The following HTT variants were observed in gnomAD, a reference collection of about 807,000 sequenced individuals.
HTT encodes huntingtin, also known as huntington disease protein.
In HTT, 104 loss-of-function variants were observed where a neutral mutation model predicts 362.3. The ratio of observed to expected loss-of-function variants is 0.29; its 90% CI spans 0.24 to 0.34. The LOEUF (loss-of-function observed/expected upper bound fraction) is 0.34, where lower values mean the gene tolerates loss of function less well. Among genes scored for constraint, HTT ranks in the 10% least tolerant of loss-of-function variants. HTT has a pLI of 1.00. For synonymous variants in HTT, 1,577 were observed against 1,548.7 expected (o/e 1.02, Z -0.43); for missense variants, 3,301 against 3,928.6 (o/e 0.84, Z 4.27).
At chr4:3,125,029 T>C (rs1370398176) in intron 10 of HTT, among the ~76,000 whole-genome samples, 1 of 152,224 alleles carries the variant, frequency 6.6e-6, no homozygotes, top group Non-Finnish European at 1.5e-5. Flanking sequence ...AAATGAAATA[T>C]TATTTCATCC....
At chr4:3,114,989 ATTTT>A (rs202217324) in intron 6 of HTT, among the ~76,000 whole-genome samples, 3 of 151,398 alleles carry the variant, frequency 2.0e-5, no homozygotes, top group African/African-American at 7.3e-5. Context: ...TCATTTGTTG[ATTTT>A]TTTTTAACTG....
intron 19 of HTT, 91 bp downstream of exon 19, chr4:3,134,631 C>A (rs1327381131): frequency 6.1e-6 from 7 of 1,156,756 alleles, no homozygotes; most frequent in Non-Finnish European, 7.5e-6. Context: ...TATCAAGTAC[C>A]CTGTCCATCA....
chr4:3,083,530 T>TACACACAC (rs56210756), intron 1 of HTT, among the ~76,000 whole-genome samples: 5 of 125,126 alleles, frequency 4.0e-5, no homozygotes, highest in East Asian at 2.6e-4. Flanking sequence ...TCTCTAAATA[T>TACACACAC]ACACACACAC....
chr4:3,110,408 A>C (rs1018607432), intron 6 of HTT, among the ~76,000 whole-genome samples: 1 of 152,174 alleles, frequency 6.6e-6, no homozygotes, highest in Admixed American at 6.5e-5. Flanking sequence ...TCTCTGCCCC[A>C]GTCTGGGCAG....
rs1721003278 is a variant in HTT at position 3,228,047 on chromosome 4, A to G, written c.7849-568A>G. Among the ~76,000 whole-genome samples the G allele has an allele frequency of 6.6e-6, 1 of 152,176 alleles. No homozygotes were observed. Among genetic ancestry groups the G allele is most frequent in the Non-Finnish European group, 1.5e-5 (1 of 68,030 alleles). On this transcript the variant is annotated intron_variant, in intron 57 of 66. Coordinates refer to ENST00000355072, the MANE Select transcript of HTT (RefSeq NM_001388492.1). The surrounding 1 kb of genome is among the most constrained non-coding windows in gnomAD (Gnocchi z 4.3). ...GGTGCCAAGAACGTGAGTTGGGGCT[A>G]GTGCCAGTGATGATGGAGAACAGCT... is the stretch of plus-strand genomic sequence containing the variant.
intron 37 of HTT, among the ~76,000 whole-genome samples, chr4:3,185,099 A>G (rs1215240209): frequency 1.3e-5 from 2 of 152,122 alleles, no homozygotes; most frequent in Non-Finnish European, 2.9e-5. Context: ...CAGGAGAGAG[A>G]CTTGGGAAAA....
At chr4:3,100,764 A>G (rs1242359868) in intron 3 of HTT, among the ~76,000 whole-genome samples, 1 of 152,200 alleles carries the variant, frequency 6.6e-6, no homozygotes, top group Non-Finnish European at 1.5e-5. Context: ...GGTCTCGCTC[A>G]GTCACCCAGG....
rs1720189698 is a variant in HTT at position 3,212,155 on chromosome 4, A to T, written c.6628+13A>T. ...AATGATCTGTTTGGTAATTAAAATT[A>T]AAATTTATCTTATTTTTAAAAAGCA... On this transcript the variant is annotated intron_variant, in intron 48 of 66. Transcript: ENST00000355072. 2 of 1,589,570 alleles carry T rather than the reference A, an allele frequency of 1.3e-6. No individual in the cohort carries two copies. The highest frequency in any genetic ancestry group is 1.7e-6 in the Non-Finnish European group (2 of 1,162,432).
At chr4:3,169,219 T>C (rs1438705605) in intron 29 of HTT, among the ~76,000 whole-genome samples, 2 of 151,934 alleles carry the variant, frequency 1.3e-5, no homozygotes, top group African/African-American at 2.4e-5. Flanking sequence ...GAGGTTTCAC[T>C]GTGTTAGCCA....
chr4:3,214,921 A>G (rs1452486178), intron 50 of HTT, among the ~76,000 whole-genome samples, 189 bp from the exon 51 acceptor site: 3 of 152,256 alleles, frequency 2.0e-5, no homozygotes, highest in African/African-American at 4.8e-5. Flanking sequence ...CTTCAGACAT[A>G]TACCACTAAC....
chr4:3,134,803 C>T (rs1715984902), intron 19 of HTT, among the ~76,000 whole-genome samples: 1 of 152,156 alleles, frequency 6.6e-6, no homozygotes, highest in Non-Finnish European at 1.5e-5. Flanking sequence ...AATCATAGCT[C>T]ACTGAAGCTT....
intron 37 of HTT, 49 bp downstream of exon 37, chr4:3,182,519 A>G (rs374624013): frequency 1.7e-4 from 208 of 1,205,134 alleles, no homozygotes; most frequent in Non-Finnish European, 2.4e-4. Context: ...TGGTAGCTTA[A>G]GGTCCTTGTG....
At chr4:3,134,278 C>T in intron 18 of HTT, 123 bp from the exon 19 acceptor site, 1 of 727,398 alleles carries the variant, frequency 1.4e-6, no homozygotes, top group Non-Finnish European at 2.2e-6. Context: ...AAAAATGCAA[C>T]ATCCTGGTTG....
In HTT at chr4:3,157,060, A is replaced by G. The variant is rs1356056621; in HGVS notation, c.3626-12A>G. On this transcript the variant is annotated splice_polypyrimidine_tract_variant and intron_variant, in intron 27 of 66. Coordinates refer to ENST00000355072, the MANE Select transcript of HTT (RefSeq NM_001388492.1). ...ATCTAAAAGTTTATCTTTTGTGTGC[A>G]TATTTTTAAAGCTTCTAGACAATCT... 6.3e-7 allele frequency: 1 copy of G among 1,581,952 alleles called. No individual in the cohort carries two copies. Among genetic ancestry groups the G allele is most frequent in the East Asian group, 2.2e-5 (1 of 44,634 alleles).
At chr4:3,138,058 T>C (rs1164238036) in intron 21 of HTT, among the ~76,000 whole-genome samples, 1 of 150,194 alleles carries the variant, frequency 6.7e-6, no homozygotes, top group Non-Finnish European at 1.5e-5. Context: ...TTCAAAAACA[T>C]ACCATTGTTC....
At chr4:3,107,253 G>A (rs747256824) in intron 5 of HTT, 32 bp from the exon 6 acceptor site, 4 of 1,602,812 alleles carry the variant, frequency 2.5e-6, no homozygotes, top group Non-Finnish European at 3.4e-6. Flanking sequence ...AGGAGAGCTG[G>A]AAGAATGACT....
chr4:3,239,780 C>A, intron 66 of HTT, 66 bp from the exon 67 acceptor site: 4 of 1,294,574 alleles, frequency 3.1e-6, no homozygotes, highest in Non-Finnish European at 4.4e-6. Flanking sequence ...AGAGGAACTC[C>A]CAGGTGAGGA....
chr4:3,217,904 C>T lies in HTT; in HGVS notation c.7194C>T (p.Ser2398=). ...CATTGCTAAGGAACATCATCATCAG[C>T]CTGGCCCGCCTGCCCCTTGTCAACA... is the stretch of plus-strand genomic sequence containing the variant. ...LTPLLRNIII[S]LARLPLVNSY... The change falls in exon 52 of 67, where the codon AGC becomes AGT. Residue 2398 remains serine (S), a synonymous_variant. Transcript: ENST00000355072. The T allele has an allele frequency of 6.2e-7, 1 of 1,613,562 alleles. No homozygotes were observed. The highest frequency in any genetic ancestry group is 1.1e-5 in the South Asian group (1 of 91,028).
At chr4:3,205,164 C>T (rs1039787201) in intron 42 of HTT, among the ~76,000 whole-genome samples, 2 of 152,044 alleles carry the variant, frequency 1.3e-5, no homozygotes, top group East Asian at 1.9e-4. Flanking sequence ...AACAAATAAA[C>T]GGAGGAAAAT....
Sources: allele counts gnomAD v4.1 joint callset (sites outside exome capture counted in the v4.1 genomes callset), GRCh38; gene constraint gnomAD v4.1.1; non-coding constraint Gnocchi (gnomAD v3.1); transcripts MANE v1.5; gene names NCBI Gene and HGNC (gene_info 2026-07-23, HGNC 2026-07-21).